The following SPATA9 variants were observed in gnomAD, a reference collection of about 807,000 sequenced individuals.
SPATA9 encodes the protein spermatogenesis associated 9, also known as spermatogenesis-associated protein 9.
SPATA9 carries 27 observed loss-of-function variants against 25.5 expected under a neutral mutation model. The ratio of observed to expected loss-of-function variants is 1.06; its 90% CI spans 0.78 to 1.46. The LOEUF (loss-of-function observed/expected upper bound fraction) is 1.46. Ranked by LOEUF, SPATA9 falls within the 40% of genes most tolerant of loss-of-function variation. The pLI, the probability that SPATA9 is intolerant of heterozygous loss-of-function variation, is 0.00. For synonymous variants in SPATA9, 102 were observed against 105.7 expected, an observed-to-expected ratio of 0.97 and a Z score of 0.21; for missense variants, 282 against 297.5, an observed-to-expected ratio of 0.95 and a Z score of 0.38.
At chr5:95,731,726 C>T in the SPATA9 span, 53 of 1,612,450 alleles carry the variant, frequency 3.3e-5, no homozygotes, top group Non-Finnish European at 4.3e-5. Context: ...CTCTCCAGCG[C>T]GTGCCGTGCG....
At chr5:95,681,651 G>GTGTT (rs1160386949) in intron 2 of SPATA9, among the ~76,000 whole-genome samples, 17 of 152,152 alleles carry the variant, frequency 1.1e-4, no homozygotes, top group African/African-American at 3.9e-4. Context: ...CAATAGTGAG[G>GTGTT]TGTTTACTAA....
intron 4 of SPATA9, among the ~76,000 whole-genome samples, chr5:95,663,147 A>G (rs889567082): frequency 6.6e-6 from 1 of 152,228 alleles, no homozygotes; most frequent in Non-Finnish European, 1.5e-5. Flanking sequence ...GAATGGATAA[A>G]TAAATGTTGA....
the SPATA9 span, among the ~76,000 whole-genome samples, chr5:95,723,441 G>A: frequency 1.4e-3 from 216 of 152,346 alleles, no homozygotes; most frequent in East Asian, 0.012. Context: ...GGAATAAAAT[G>A]AGTAAAGTCA....
At chr5:95,731,485 C>A in the SPATA9 span, 3 of 1,233,220 alleles carry the variant, frequency 2.4e-6, no homozygotes, top group Non-Finnish European at 2.0e-6. Context: ...GCCCGCTAGC[C>A]CGCCCTGGTC....
At chr5:95,693,737 A>C (rs1284542808) in intron 1 of SPATA9, among the ~76,000 whole-genome samples, 3 of 152,242 alleles carry the variant, frequency 2.0e-5, no homozygotes, top group Non-Finnish European at 4.4e-5. Flanking sequence ...TTTTTGTTAT[A>C]AATATATTTT....
the SPATA9 span, among the ~76,000 whole-genome samples, chr5:95,730,299 TAAAC>T: frequency 1.8e-4 from 28 of 152,102 alleles, no homozygotes; most frequent in Admixed American, 9.8e-4. Context: ...AAGGGAAAAA[TAAAC>T]AGATAAAAGG....
At chr5:95,690,127 C>A (rs1463249050) in intron 1 of SPATA9, among the ~76,000 whole-genome samples, 10 of 151,840 alleles carry the variant, frequency 6.6e-5, no homozygotes, top group African/African-American at 2.4e-4. Context: ...CACCAAACCC[C>A]CATGACAAGG....
chr5:95,720,934 G>A, the SPATA9 span, among the ~76,000 whole-genome samples: 1 of 152,120 alleles, frequency 6.6e-6, no homozygotes, highest in Non-Finnish European at 1.5e-5. Context: ...GGATTTTCTG[G>A]CTCTTTAGAA....
the SPATA9 span, among the ~76,000 whole-genome samples, chr5:95,714,298 G>A: frequency 6.6e-6 from 1 of 152,140 alleles, no homozygotes; most frequent in African/African-American, 2.4e-5. Context: ...AATCACTGAA[G>A]CCATGAGAGC....
At chr5:95,711,220 CCTT>C in the SPATA9 span, among the ~76,000 whole-genome samples, 1 of 152,142 alleles carries the variant, frequency 6.6e-6, no homozygotes, top group Non-Finnish European at 1.5e-5. Context: ...GAGGAAAAGA[CCTT>C]CTCAAGGAGG....
chr5:95,732,060 G>A, the SPATA9 span: 1 of 1,614,224 alleles, frequency 6.2e-7, no homozygotes, highest in Non-Finnish European at 8.5e-7. Context: ...ATGTCAAGCT[G>A]GTGGTCCACG....
At chr5:95,665,824 C>G (rs1751753415) in intron 3 of SPATA9, among the ~76,000 whole-genome samples, 1 of 152,132 alleles carries the variant, frequency 6.6e-6, no homozygotes, top group Non-Finnish European at 1.5e-5. Flanking sequence ...CAAAAATTAG[C>G]CAGGCCTGGT....
chr5:95,670,913 C>G (rs1363879885), intron 3 of SPATA9: 4 of 985,214 alleles, frequency 4.1e-6, no homozygotes, highest in Non-Finnish European at 4.8e-6. Context: ...ACGTTGTTTA[C>G]TACAACTTAG....
chr5:95,719,823 G>C, the SPATA9 span: 2 of 152,174 alleles, frequency 1.3e-5, no homozygotes, highest in African/African-American at 4.8e-5. Context: ...GCATAAATTG[G>C]CTTAATGCAG....
At chr5:95,652,801 G>T, downstream of SPATA9, 1 of 334,270 alleles carries the variant, frequency 3.0e-6, no homozygotes. Flanking sequence ...ATCCCCTACA[G>T]CATCAACCCC....
intron 3 of SPATA9, among the ~76,000 whole-genome samples, chr5:95,673,382 G>A (rs1752601996): frequency 6.6e-6 from 1 of 152,050 alleles, no homozygotes; most frequent in Non-Finnish European, 1.5e-5. Flanking sequence ...GTGTTTGTGT[G>A]TGTGTGTGTG....
upstream of SPATA9, among the ~76,000 whole-genome samples, chr5:95,699,068 T>C (rs1470105714): frequency 6.6e-6 from 1 of 152,200 alleles, no homozygotes; most frequent in Non-Finnish European, 1.5e-5. Flanking sequence ...TTTAATAAAG[T>C]GCTTTCAATG....
At chr5:95,726,956 G>A in the SPATA9 span, among the ~76,000 whole-genome samples, 103 of 151,156 alleles carry the variant, frequency 6.8e-4, no homozygotes, top group African/African-American at 2.3e-3. Context: ...GCTTAATTTC[G>A]TTTCCCCCCT....
upstream of SPATA9, among the ~76,000 whole-genome samples, chr5:95,700,444 C>T (rs1360983146): frequency 2.0e-5 from 3 of 152,126 alleles, no homozygotes; most frequent in Admixed American, 6.5e-5. Flanking sequence ...GGATTACAGG[C>T]ACGCGCCACC....
Sources: gnomAD v4.1 joint callset for allele counts (sites outside exome capture counted in the v4.1 genomes callset) on GRCh38, gnomAD v4.1.1 for gene constraint, MANE v1.5 for transcripts, NCBI Gene and HGNC (gene_info 2026-07-23, HGNC 2026-07-21) for gene names.